AFF3: variants seen among roughly 807,000 people sequenced by gnomAD.
AFF3 encodes AF4/FMR2 family member 3.
In AFF3, 32 loss-of-function variants were observed where a neutral mutation model predicts 129.7. The observed-to-expected ratio is 0.25, with a 90% CI of 0.19 to 0.33. The LOEUF (loss-of-function observed/expected upper bound fraction) is 0.33, where lower values mean the gene tolerates loss of function less well. Among genes scored for constraint, AFF3 ranks in the 10% least tolerant of loss-of-function variants. The probability of loss-of-function intolerance (pLI) is 1.00; values close to 1 mark genes in which losing one functional copy is unlikely to be tolerated. For synonymous variants in AFF3, 644 were observed against 635.4 expected (o/e 1.01, Z -0.20); for missense variants, 1,373 against 1,592.0 (o/e 0.86, Z 2.34).
chr2:99,915,839 T>C (rs1438901266), intron 7 of AFF3, among the ~76,000 whole-genome samples: 1 of 152,110 alleles, frequency 6.6e-6, no homozygotes, highest in African/African-American at 2.4e-5. Context: ...AATTATGGAA[T>C]TGAATTGAGA....
intron 7 of AFF3, among the ~76,000 whole-genome samples, chr2:99,947,579 AAAAGAAAGAAAG>A (rs1163104965): frequency 7.4e-6 from 1 of 134,318 alleles, no homozygotes; most frequent in Non-Finnish European, 1.6e-5. Flanking sequence ...GAAAGAAAAG[AAAAGAAAGAAAG>A]AAAGAAAGAA....
At chr2:99,909,839 GT>G (rs1171340817) in intron 7 of AFF3, among the ~76,000 whole-genome samples, 1 of 152,048 alleles carries the variant, frequency 6.6e-6, no homozygotes, top group South Asian at 2.1e-4. Context: ...AATGTGCTGA[GT>G]TTTTTCCCTA....
chr2:99,902,307 T>C lies in AFF3; in HGVS notation c.874-64783A>G, dbSNP rs1401563167. Reference sequence around the variant, plus strand: ...ACATATACAATGAAGGAAATAATTCTTTTTTATGGACAAACTAAGCATTTG... The same window carrying C: ...ACATATACAATGAAGGAAATAATTCCTTTTTATGGACAAACTAAGCATTTG... On this transcript the variant is annotated intron_variant, in intron 7 of 24. Transcript: ENST00000672756. Among the ~76,000 whole-genome samples, 11 of 152,170 alleles carry C rather than the reference T, an allele frequency of 7.2e-5. No individual in the cohort carries two copies. In the East Asian group the frequency reaches 1.9e-3, roughly 27 times the overall value.
intron 13 of AFF3, among the ~76,000 whole-genome samples, chr2:99,632,801 A>T (rs1310721257): frequency 4.6e-5 from 7 of 152,226 alleles, no homozygotes; most frequent in Non-Finnish European, 1.0e-4. Context: ...CACGTAATTA[A>T]AATGATTTTG....
intron 24 of AFF3, among the ~76,000 whole-genome samples, chr2:99,552,109 A>G (rs926332757): frequency 3.9e-5 from 6 of 152,210 alleles, no homozygotes; most frequent in Admixed American, 3.9e-4. Flanking sequence ...GATGTGGCCA[A>G]GCACGGTGGC....
At chr2:100,129,653 C>A (rs1004696629) in intron 1 of AFF3, among the ~76,000 whole-genome samples, 3 of 152,264 alleles carry the variant, frequency 2.0e-5, no homozygotes, top group African/African-American at 4.8e-5. Flanking sequence ...GTAATCGGCA[C>A]ATTAAAGCTG....
At chr2:99,656,459 C>T (rs1233864844) in intron 12 of AFF3, among the ~76,000 whole-genome samples, 1 of 152,168 alleles carries the variant, frequency 6.6e-6, no homozygotes, top group Non-Finnish European at 1.5e-5. Context: ...GCCCTTGCAG[C>T]CAATCTTAGT....
chr2:99,647,094 AT>A (rs1684762341), intron 13 of AFF3, among the ~76,000 whole-genome samples: 2 of 152,210 alleles, frequency 1.3e-5, no homozygotes, highest in Admixed American at 6.5e-5. Context: ...CATTGTGGTG[AT>A]TCTTCAAAGA....
chr2:99,863,664 C>G (rs573302096), intron 7 of AFF3, among the ~76,000 whole-genome samples: 4 of 152,300 alleles, frequency 2.6e-5, no homozygotes, highest in Non-Finnish European at 5.9e-5. Context: ...TTTACCCACA[C>G]GGCAGACCCT....
Position 99,837,458 on chromosome 2 carries a change from G to T in AFF3, c.921+19C>A. 1 of 1,609,348 alleles carries T rather than the reference G, an allele frequency of 6.2e-7. No individual in the cohort carries two copies. The highest frequency in any genetic ancestry group is 8.5e-7 in the Non-Finnish European group (1 of 1,175,840). ...CTATGTCCCACAGATTGATAAGACT[G>T]TTTAAAGAATAATCTTACCCGGATT... On this transcript the variant is annotated intron_variant, in intron 8 of 24. Coordinates refer to ENST00000672756, the MANE Select transcript of AFF3 (RefSeq NM_001386135.1).
intron 7 of AFF3, among the ~76,000 whole-genome samples, chr2:99,937,572 T>C (rs994406922): frequency 6.6e-6 from 1 of 152,134 alleles, no homozygotes; most frequent in African/African-American, 2.4e-5. Flanking sequence ...CTAATTTTTG[T>C]ATTTTTAGTA....
At chr2:99,900,880 C>T (rs1694296487) in intron 7 of AFF3, among the ~76,000 whole-genome samples, 1 of 152,212 alleles carries the variant, frequency 6.6e-6, no homozygotes, top group African/African-American at 2.4e-5. Flanking sequence ...TGGCTCAATT[C>T]CGTGACGGCA....
rs3073407 is a variant in AFF3 at position 99,628,723 on chromosome 2, A to ATTTT, written c.1184+20899_1184+20902dup. Among the ~76,000 whole-genome samples, 3 of 92,430 alleles carry ATTTT rather than the reference A, an allele frequency of 3.2e-5. 1 individual carries two copies. Among genetic ancestry groups the ATTTT allele is most frequent in the Admixed American group, 2.8e-4 (2 of 7,268 alleles). 60.6% of individuals were successfully genotyped at this position (92,430 alleles called of 152,430 possible). A position where few individuals can be genotyped will look rare whatever the true frequency, so the allele number is the denominator to read the frequency against. Reference sequence around the variant, plus strand: ...AGGCACGTGCCACCATGCTTGACTGATTTTTTTTTTTTTTTGAGACAGAGT... The same window carrying ATTTT: ...AGGCACGTGCCACCATGCTTGACTGATTTTTTTTTTTTTTTTTTTGAGACAGAGT... On this transcript the variant is annotated intron_variant, in intron 13 of 24. Transcript: ENST00000672756.
chr2:100,055,665 G>C (rs1425844705), intron 4 of AFF3, among the ~76,000 whole-genome samples: 1 of 152,244 alleles, frequency 6.6e-6, no homozygotes, highest in East Asian at 1.9e-4. Flanking sequence ...TAAAGAGCCA[G>C]AAAGCAAATA....
chr2:100,121,324 T>C (rs1211817297), intron 2 of AFF3, among the ~76,000 whole-genome samples: 1 of 152,182 alleles, frequency 6.6e-6, no homozygotes, highest in Non-Finnish European at 1.5e-5. Flanking sequence ...TGGTTTGACT[T>C]CAGAGGGACA....
intron 11 of AFF3, among the ~76,000 whole-genome samples, chr2:99,700,933 C>T (rs899786373): frequency 1.3e-5 from 2 of 152,184 alleles, no homozygotes; most frequent in African/African-American, 4.8e-5. Context: ...GAGACGGTCA[C>T]GTGTACTCAG....
chr2:100,141,464 T>A (rs1380895927), intron 1 of AFF3, among the ~76,000 whole-genome samples: 1 of 152,244 alleles, frequency 6.6e-6, no homozygotes, highest in Non-Finnish European at 1.5e-5. Flanking sequence ...TCTTAAATTT[T>A]GCACCAAGGA....
rs374718426 is a variant in AFF3, at chr2:99,578,184, G to T, written c.2918+143C>A. 2.2e-5 allele frequency: 27 copies of T among 1,210,802 alleles called. No homozygotes were observed. In the African/African-American group the frequency reaches 3.7e-4, roughly 17 times the overall value. 75.0% of individuals were successfully genotyped at this position (1,210,802 alleles called of 1,614,324 possible). ...TAAGGCTCCAATTCCATTCAAGAGG[G>T]ACATTTAAATGACCAAGTCCCAGGG... On this transcript the variant is annotated intron_variant, in intron 18 of 24. Transcript: ENST00000672756.
intron 4 of AFF3, among the ~76,000 whole-genome samples, chr2:100,034,708 T>C (rs1247451064): frequency 1.3e-5 from 2 of 152,160 alleles, no homozygotes; most frequent in African/African-American, 4.8e-5. Context: ...GCTTTTGATC[T>C]AGTGCCTATA....
Sources: gnomAD v4.1 joint callset for allele counts (sites outside exome capture counted in the v4.1 genomes callset) on GRCh38, gnomAD v4.1.1 for gene constraint, MANE v1.5 for transcripts, NCBI Gene and HGNC (gene_info 2026-07-23, HGNC 2026-07-21) for gene names.